The following ESCO2 variants were observed in gnomAD, a reference collection of about 807,000 sequenced individuals.
The protein encoded by ESCO2 is N-acetyltransferase ESCO2.
ESCO2 carries 51 observed loss-of-function variants against 61.7 expected under a neutral mutation model. That is an observed-to-expected ratio of 0.83 (90% confidence interval 0.66 to 1.04). The LOEUF (loss-of-function observed/expected upper bound fraction) is 1.04, where lower values mean the gene tolerates loss of function less well. ESCO2 is among the 50% of genes least tolerant of loss of function. The probability of loss-of-function intolerance (pLI) is 0.00; values close to 1 mark genes in which losing one functional copy is unlikely to be tolerated. For missense variants in ESCO2, 692 were observed against 686.2 expected, an observed-to-expected ratio of 1.01 and a Z score of -0.09; for synonymous variants, 230 against 238.2, an observed-to-expected ratio of 0.97 and a Z score of 0.32.
At chr8:27,780,288 AT>A in intron 4 of ESCO2, 21 bp downstream of exon 4, 1 of 1,388,072 alleles carries the variant, frequency 7.2e-7, no homozygotes, top group Non-Finnish European at 1.0e-6. Context: ...ACTCGCATGA[AT>A]TTAGCTGCTT....
chr8:27,815,121 G>C (rs891503500), downstream of ESCO2, among the ~76,000 whole-genome samples: 1 of 152,126 alleles, frequency 6.6e-6, no homozygotes, highest in Non-Finnish European at 1.5e-5. Flanking sequence ...AGAACTGAAG[G>C]AAAGTTCTGC....
At chr8:27,807,594 A>G (rs181671332), downstream of ESCO2, among the ~76,000 whole-genome samples, 26 of 152,242 alleles carry the variant, frequency 1.7e-4, no homozygotes, top group Non-Finnish European at 3.1e-4. Flanking sequence ...CATTCATGAC[A>G]TGTCTTTTTT....
At chr8:27,802,631 ATATATATATATATATATATATATATT>A (rs1372192182) in intron 10 of ESCO2, among the ~76,000 whole-genome samples, 2 of 38,754 alleles carry the variant, frequency 5.2e-5, no homozygotes, top group African/African-American at 2.4e-4. Context: ...AAAAAAAAAA[ATATATATATATATATATATATATATT>A]ATATATATAT....
rs1805524181 is a variant in ESCO2 at position 27,804,725 on chromosome 8, T to C, written c.*1287T>C. 1 of 984,994 alleles carries C rather than the reference T, an allele frequency of 1.0e-6. No homozygotes were observed. Among genetic ancestry groups the C allele is most frequent in the Non-Finnish European group, 1.2e-6 (1 of 829,660 alleles). 61.0% of individuals were successfully genotyped at this position (984,994 alleles called of 1,614,324 possible). A position where few individuals can be genotyped will look rare whatever the true frequency, so the allele number is the denominator to read the frequency against. On this transcript the variant is annotated 3_prime_UTR_variant, in exon 11 of 11. Coordinates refer to ENST00000305188, the MANE Select transcript of ESCO2 (RefSeq NM_001017420.3). ...CTGTAAGTTAACATGTTTCCAAAAT[T>C]TAAAAGCCTGGGTCCCCAAAAGAAT... is the stretch of plus-strand genomic sequence containing the variant.
chr8:27,817,440 A>G (rs555290379), downstream of ESCO2, among the ~76,000 whole-genome samples: 77 of 152,184 alleles, frequency 5.1e-4, no homozygotes, highest in Middle Eastern at 0.014. Flanking sequence ...TAAGAAAAAT[A>G]TTTTAAAATG....
chr8:27,778,849 C>T (rs1222604097), intron 3 of ESCO2: 2 of 152,166 alleles, frequency 1.3e-5, no homozygotes, highest in Non-Finnish European at 2.9e-5. Flanking sequence ...CGGGGCTATG[C>T]TCTTTCAAGA....
chr8:27,798,576 T>C (rs907864428), intron 9 of ESCO2, among the ~76,000 whole-genome samples: 1 of 152,198 alleles, frequency 6.6e-6, no homozygotes. Flanking sequence ...ACAAGAATGT[T>C]AATAGCAGCT....
intron 5 of ESCO2, 109 bp downstream of exon 5, chr8:27,784,166 C>T: frequency 1.0e-6 from 1 of 962,352 alleles, no homozygotes; most frequent in Non-Finnish European, 1.6e-6. Flanking sequence ...TTTTCTTCCT[C>T]ACTAAGGGGA....
the ESCO2 span, among the ~76,000 whole-genome samples, chr8:27,819,484 T>G: frequency 6.6e-6 from 1 of 152,158 alleles, no homozygotes; most frequent in Non-Finnish European, 1.5e-5. Flanking sequence ...CGGAAGTGTT[T>G]TAAATTCCTA....
chr8:27,813,583 G>C (rs1805745023), downstream of ESCO2, among the ~76,000 whole-genome samples: 1 of 148,196 alleles, frequency 6.7e-6, no homozygotes, highest in South Asian at 2.1e-4. Context: ...CATAGCCACA[G>C]TCAAGCTAAT....
At chr8:27,808,217 C>A (rs186148287), downstream of ESCO2, 144 of 1,244,320 alleles carry the variant, frequency 1.2e-4, no homozygotes, top group Middle Eastern at 3.8e-3. Context: ...AAATAGGTAC[C>A]AGGAGACATG....
At chr8:27,785,581 T>G (rs1165769452) in intron 5 of ESCO2, among the ~76,000 whole-genome samples, 1 of 151,308 alleles carries the variant, frequency 6.6e-6, no homozygotes, top group African/African-American at 2.4e-5. Context: ...ATGCCTGTAA[T>G]CCCAGCTACT....
At chr8:27,801,407 A>T (rs938501162) in intron 10 of ESCO2, among the ~76,000 whole-genome samples, 4 of 152,204 alleles carry the variant, frequency 2.6e-5, no homozygotes, top group African/African-American at 7.2e-5. Flanking sequence ...CAACACCATT[A>T]TGGGGACCGG....
intron 7 of ESCO2, among the ~76,000 whole-genome samples, chr8:27,790,277 A>T (rs1363610355): frequency 1.3e-5 from 2 of 152,206 alleles, no homozygotes; most frequent in Non-Finnish European, 2.9e-5. Flanking sequence ...TTTGAATATC[A>T]TTCCTGGGTT....
At chr8:27,776,247 G>A in intron 2 of ESCO2, 115 bp from the exon 3 acceptor site, 1 of 773,264 alleles carries the variant, frequency 1.3e-6, no homozygotes, top group East Asian at 2.7e-5. Flanking sequence ...TTGTGTGTAT[G>A]GGGGGTACAT....
At chr8:27,791,795 T>C (rs979634476) in intron 7 of ESCO2, among the ~76,000 whole-genome samples, 168 bp from the exon 8 acceptor site, 14 of 152,210 alleles carry the variant, frequency 9.2e-5, no homozygotes, top group African/African-American at 1.4e-4. Flanking sequence ...ATACCTGTTT[T>C]AGGCATCTTT....
chr8:27,793,042 C>T (rs2128956088), intron 9 of ESCO2, among the ~76,000 whole-genome samples: 1 of 152,238 alleles, frequency 6.6e-6, no homozygotes, highest in Non-Finnish European at 1.5e-5. Flanking sequence ...ATTAACACAG[C>T]TGGATTATAA....
intron 5 of ESCO2, among the ~76,000 whole-genome samples, chr8:27,787,514 C>A (rs1032898069): frequency 6.6e-6 from 1 of 152,084 alleles, no homozygotes; most frequent in Non-Finnish European, 1.5e-5. Context: ...TTCTTCATAG[C>A]TGTATGGGGT....
In ESCO2 at chr8:27,799,548, G is replaced by A. The variant is rs567846735; in HGVS notation, c.1505G>A (p.Arg502His). Residue 502 changes from arginine (R) to histidine (H), a missense_variant, in exon 10 of 11, where the codon CGT becomes CAT. Coordinates refer to ENST00000305188, the MANE Select transcript of ESCO2 (RefSeq NM_001017420.3). ...TTCTGTATATCATTGCAGGCATTTC[G>A]TGTCCTGTCTGAACCAATTGGTCCA... ...LIAEPIKQAF[R>H]VLSEPIGPES... The A allele has an allele frequency of 6.8e-6, 11 of 1,613,762 alleles. 1 individual carries two copies. The highest frequency in any genetic ancestry group is 3.3e-5 in the Admixed American group (2 of 59,972).
Sources: gnomAD v4.1 joint callset for allele counts (sites outside exome capture counted in the v4.1 genomes callset) on GRCh38, gnomAD v4.1.1 for gene constraint, MANE v1.5 for transcripts, NCBI Gene and HGNC (gene_info 2026-07-23, HGNC 2026-07-21) for gene names.